Variants in PARD3 observed in about 807,000 individuals in gnomAD.
PARD3 encodes the protein partitioning defective 3 homolog.
PARD3 carries 75 observed loss-of-function variants against 155.4 expected under a neutral mutation model. That is an observed-to-expected ratio of 0.48 (90% CI 0.40 to 0.58). The LOEUF is 0.58. PARD3 is among the 20% of genes least tolerant of loss of function. PARD3 has a pLI of 0.00. For missense variants in PARD3, 1,642 were observed against 1,721.7 expected, an observed-to-expected ratio of 0.95 and a Z score of 0.82; for synonymous variants, 576 against 610.5, an observed-to-expected ratio of 0.94 and a Z score of 0.83.
intron 1 of PARD3, among the ~76,000 whole-genome samples, chr10:34,699,527 G>C (rs2245124): frequency 0.59 from 89,545 of 152,010 alleles, 27,740 homozygotes; most frequent in Non-Finnish European, 0.67. Flanking sequence ...ATTTTCAAGG[G>C]AAGAGTCCAG....
intron 22 of PARD3, among the ~76,000 whole-genome samples, chr10:34,201,634 CT>C (rs1000635728): frequency 4.6e-5 from 7 of 151,968 alleles, no homozygotes; most frequent in African/African-American, 7.2e-5. Context: ...GTAAAATGGA[CT>C]TTTTTTGTGG....
At chr10:34,472,285 C>G (rs960957645) in intron 3 of PARD3, among the ~76,000 whole-genome samples, 1 of 152,050 alleles carries the variant, frequency 6.6e-6, no homozygotes, top group Non-Finnish European at 1.5e-5. Flanking sequence ...TTCATGACAA[C>G]CTTTGCTGCT....
chr10:34,640,868 T>C (rs1459730827), intron 2 of PARD3, among the ~76,000 whole-genome samples: 1 of 151,974 alleles, frequency 6.6e-6, no homozygotes, highest in Non-Finnish European at 1.5e-5. Context: ...AGTATTGTGT[T>C]TTATGGGGGA....
At chr10:34,448,912 A>C (rs938897131) in intron 5 of PARD3, among the ~76,000 whole-genome samples, 5 of 150,090 alleles carry the variant, frequency 3.3e-5, no homozygotes, top group African/African-American at 1.3e-4. Flanking sequence ...GTGATGGATA[A>C]ATTATCTTTT....
rs900625474 is a variant in PARD3 at position 34,394,427 on chromosome 10, G to A, written c.890+4903C>T. 3.9e-5 allele frequency among the ~76,000 whole-genome samples: 6 copies of A among 152,180 alleles called. No homozygotes were observed. In the South Asian group the frequency reaches 8.3e-4, roughly 21 times the overall value. The stretch of plus-strand genomic sequence containing the variant: ...TGCAGCCCCACACTCCCAGATTCAA[G>A]TGATCCTCCCACCTCAGCCTCCCAA... On this transcript the variant is annotated intron_variant, in intron 7 of 24. Coordinates refer to ENST00000374788, the MANE Select transcript of PARD3 (RefSeq NM_001184785.2).
At chr10:34,628,988 AAGAAT>A (rs2092127117) in intron 2 of PARD3, among the ~76,000 whole-genome samples, 1 of 152,204 alleles carries the variant, frequency 6.6e-6, no homozygotes, top group Non-Finnish European at 1.5e-5. Flanking sequence ...AAATGGGTAA[AAGAAT>A]AGGTCTTTAA....
At chr10:34,748,385 G>A (rs1356867882) in intron 1 of PARD3, among the ~76,000 whole-genome samples, 1 of 152,286 alleles carries the variant, frequency 6.6e-6, no homozygotes, top group Admixed American at 6.5e-5. Flanking sequence ...CACAAGAATC[G>A]ATTGAGCCCG....
At chr10:34,759,272 G>A (rs559325611) in intron 1 of PARD3, among the ~76,000 whole-genome samples, 27 of 151,922 alleles carry the variant, frequency 1.8e-4, no homozygotes, top group South Asian at 1.2e-3. Context: ...TTATTCACAC[G>A]TGTAAATCTT....
At chr10:34,484,161 G>T (rs1251160259) in intron 3 of PARD3, among the ~76,000 whole-genome samples, 2 of 152,140 alleles carry the variant, frequency 1.3e-5, no homozygotes, top group African/African-American at 4.8e-5. Context: ...AGAGCAAGAA[G>T]GCAGTTTCCC....
At chr10:34,579,370 C>T (rs545892398) in intron 2 of PARD3, among the ~76,000 whole-genome samples, 1 of 152,132 alleles carries the variant, frequency 6.6e-6, no homozygotes, top group African/African-American at 2.4e-5. Context: ...AGGATGTGCA[C>T]CTCTGGCTCT....
At chr10:34,239,568 G>C (rs1334151672) in intron 22 of PARD3, among the ~76,000 whole-genome samples, 2 of 152,084 alleles carry the variant, frequency 1.3e-5, no homozygotes, top group Non-Finnish European at 2.9e-5. Flanking sequence ...TTGGGAGGCC[G>C]AGGCGGGTGG....
At chr10:34,571,728 T>C (rs1488231044) in intron 2 of PARD3, among the ~76,000 whole-genome samples, 2 of 152,250 alleles carry the variant, frequency 1.3e-5, no homozygotes, top group African/African-American at 2.4e-5. Context: ...AATGCTAATA[T>C]ACCTAGTAAG....
chr10:34,346,736 G>T (rs1042647100), intron 15 of PARD3, among the ~76,000 whole-genome samples: 1 of 152,144 alleles, frequency 6.6e-6, no homozygotes, highest in Non-Finnish European at 1.5e-5. Context: ...ATTCACTTAC[G>T]CCAAGCATGT....
At chr10:34,198,965 A>T (rs775102362) in intron 22 of PARD3, among the ~76,000 whole-genome samples, 4 of 152,060 alleles carry the variant, frequency 2.6e-5, no homozygotes, top group Non-Finnish European at 5.9e-5. Context: ...GTTGCCATGG[A>T]CTCTCAGGTT....
chr10:34,120,159 A>G (rs868496368), intron 23 of PARD3, among the ~76,000 whole-genome samples: 5 of 149,646 alleles, frequency 3.3e-5, no homozygotes, highest in Middle Eastern at 3.4e-3. Context: ...CGGGATTACA[A>G]GCACAGGCCA....
intron 1 of PARD3, among the ~76,000 whole-genome samples, chr10:34,744,350 A>G (rs1441486627): frequency 6.6e-6 from 1 of 152,234 alleles, no homozygotes; most frequent in African/African-American, 2.4e-5. Flanking sequence ...CATCTCAAAA[A>G]TAAAAAAACT....
At chr10:34,178,119 C>G (rs533814640) in intron 22 of PARD3, among the ~76,000 whole-genome samples, 1 of 152,172 alleles carries the variant, frequency 6.6e-6, no homozygotes, top group African/African-American at 2.4e-5. Context: ...GAATAACACA[C>G]TTTTGGCTGC....
chr10:34,605,052 T>C (rs1564403928), intron 2 of PARD3, among the ~76,000 whole-genome samples: 2 of 152,068 alleles, frequency 1.3e-5, no homozygotes, highest in East Asian at 3.9e-4. Flanking sequence ...GTGATTATTA[T>C]TATATGTTTC....
intron 22 of PARD3, among the ~76,000 whole-genome samples, chr10:34,231,508 G>A (rs532530331): frequency 1.1e-4 from 17 of 152,012 alleles, no homozygotes; most frequent in Non-Finnish European, 2.4e-4. Context: ...TCTAACTGAC[G>A]CAATTTCCAC....
Sources: allele counts gnomAD v4.1 joint callset (sites outside exome capture counted in the v4.1 genomes callset), GRCh38; gene constraint gnomAD v4.1.1; transcripts MANE v1.5; gene names NCBI Gene and HGNC (gene_info 2026-07-23, HGNC 2026-07-21).